TAOK1: variants seen among roughly 807,000 people sequenced by gnomAD.
TAOK1 encodes TAO kinase 1.
In TAOK1, 21 loss-of-function variants were observed where a neutral mutation model predicts 138.3. The ratio of observed to expected loss-of-function variants is 0.15; its 90% confidence interval spans 0.11 to 0.22. TAOK1 has a LOEUF of 0.22. TAOK1 is among the 10% of genes least tolerant of loss of function. The pLI is 1.00. For synonymous variants in TAOK1, 361 were observed against 398.4 expected, an observed-to-expected ratio of 0.91 and a Z score of 1.12; for missense variants, 651 against 1,227.7, an observed-to-expected ratio of 0.53 and a Z score of 7.02.
chr17:29,527,757 A>G (rs1444992328), intron 17 of TAOK1, among the ~76,000 whole-genome samples: 1 of 152,216 alleles, frequency 6.6e-6, no homozygotes, highest in Non-Finnish European at 1.5e-5. Flanking sequence ...GCCTCAGTGC[A>G]GTAAATGAAT....
At chr17:29,506,403 A>G (rs762876388) in intron 13 of TAOK1, among the ~76,000 whole-genome samples, 7 of 152,214 alleles carry the variant, frequency 4.6e-5, no homozygotes, top group Non-Finnish European at 1.0e-4. Context: ...TGTGGAATCT[A>G]GAAAAATAAA....
intron 8 of TAOK1, among the ~76,000 whole-genome samples, chr17:29,482,501 A>G (rs2031084712): frequency 6.6e-6 from 1 of 152,132 alleles, no homozygotes; most frequent in Non-Finnish European, 1.5e-5. Context: ...TTATATCTAA[A>G]ATAATTTTCC....
intron 18 of TAOK1, 26 bp from the exon 19 acceptor site, chr17:29,534,092 T>G: frequency 6.4e-7 from 1 of 1,564,644 alleles, no homozygotes. Flanking sequence ...ATATCTTTTT[T>G]TTTTCTCTCT....
chr17:29,535,428 G>T (rs1056162834), intron 19 of TAOK1, among the ~76,000 whole-genome samples: 4 of 152,146 alleles, frequency 2.6e-5, no homozygotes, highest in Non-Finnish European at 5.9e-5. Context: ...TCTTAGGTCC[G>T]TCGGTTATCG....
chr17:29,464,404 G>A lies in TAOK1; in HGVS notation c.133-2741G>A, dbSNP rs577258688. ...GTTTGCAGTGAGCCAAGATCGCAGC[G>A]CTGCACTCCAGCCTGGACTACTAAG... On this transcript the variant is annotated intron_variant, in intron 2 of 19. Coordinates refer to ENST00000261716, the MANE Select transcript of TAOK1 (RefSeq NM_020791.4). 1.4e-3 allele frequency among the ~76,000 whole-genome samples: 206 copies of A among 147,872 alleles called. 1 individual carries two copies. In the Middle Eastern group the frequency reaches 0.014, roughly 10 times the overall value.
intron 17 of TAOK1, among the ~76,000 whole-genome samples, chr17:29,528,190 C>T (rs2032044089): frequency 6.6e-6 from 1 of 152,088 alleles, no homozygotes; most frequent in South Asian, 2.1e-4. Flanking sequence ...GCTGGGATTA[C>T]AGGCACATGC....
chr17:29,453,204 G>C (rs899639901), intron 2 of TAOK1, among the ~76,000 whole-genome samples: 3 of 145,530 alleles, frequency 2.1e-5, no homozygotes, highest in African/African-American at 7.7e-5. Flanking sequence ...CTATTGCCCA[G>C]GCTGGAGTGC....
chr17:29,477,809 G>T, intron 5 of TAOK1, 103 bp downstream of exon 5: 2 of 596,566 alleles, frequency 3.4e-6, no homozygotes, highest in South Asian at 6.1e-5. Context: ...AAACTTTCCA[G>T]AAAGAGCAGA....
chr17:29,466,207 G>A (rs2030663829), intron 2 of TAOK1, among the ~76,000 whole-genome samples: 1 of 152,048 alleles, frequency 6.6e-6, no homozygotes, highest in Non-Finnish European at 1.5e-5. Context: ...GCAGTGGCAC[G>A]GTCATGGCTC....
intron 1 of TAOK1, among the ~76,000 whole-genome samples, chr17:29,446,398 C>T (rs1348066074): frequency 2.0e-5 from 3 of 152,050 alleles, no homozygotes; most frequent in South Asian, 2.1e-4. Flanking sequence ...TGCACTACCA[C>T]GCCCAGCTAG....
chr17:29,502,850 A>T (rs2031555383), intron 13 of TAOK1, 127 bp downstream of exon 13: 2 of 1,031,460 alleles, frequency 1.9e-6, no homozygotes, highest in Non-Finnish European at 2.7e-6. Context: ...TTTAATATTT[A>T]AGTGCCTATT....
chr17:29,495,576 G>C lies in TAOK1; in HGVS notation c.848G>C (p.Arg283Pro), dbSNP rs757614541. 1 of 1,595,806 alleles carries C rather than the reference G, an allele frequency of 6.3e-7. No individual in the cohort carries two copies. Among genetic ancestry groups the C allele is most frequent in the Admixed American group, 1.7e-5 (1 of 58,896 alleles). The change falls in exon 11 of 20, where the codon CGG becomes CCG. Residue 283 changes from arginine to proline, a missense_variant. Arg to Pro is a moderately radical substitution (Grantham distance 103, BLOSUM62 -2). Around this residue, in one of 8 missense-constraint regions of TAOK1, gnomAD observed 39 missense variants for 52.5 expected, o/e 0.74. Coordinates refer to ENST00000261716, the MANE Select transcript of TAOK1 (RefSeq NM_020791.4). ...CCTATCTAGCACATATTTGTTCTTC[G>C]GGAGCGCCCTGAAACCGTGTTAATA... ...EELLKHIFVL[R>P]ERPETVLIDL...
chr17:29,516,236 C>T (rs1373222544), intron 15 of TAOK1, among the ~76,000 whole-genome samples: 6 of 151,894 alleles, frequency 4.0e-5, no homozygotes, highest in African/African-American at 9.7e-5. Flanking sequence ...GCTGGGATTA[C>T]AGGCGTGAGC....
chr17:29,429,648 A>G lies in TAOK1; in HGVS notation c.-94-21807A>G, dbSNP rs576039737. ...GCTAACAAGTTAACATTGTTACAAT[A>G]TTATTAACTAAACTACCAATTTTGT... On this transcript the variant is annotated intron_variant, in intron 1 of 19. Transcript: ENST00000261716. Among the ~76,000 whole-genome samples, 37 of 152,302 alleles carry G rather than the reference A, an allele frequency of 2.4e-4. No homozygotes were observed. In the South Asian group the frequency reaches 7.7e-3, roughly 32 times the overall value.
intron 1 of TAOK1, among the ~76,000 whole-genome samples, chr17:29,447,301 A>G (rs951014925): frequency 2.0e-5 from 3 of 152,062 alleles, no homozygotes; most frequent in African/African-American, 7.2e-5. Flanking sequence ...TGTTAAGGAT[A>G]TTAACTCTTA....
chr17:29,521,017 C>A (rs1456248895), intron 16 of TAOK1, among the ~76,000 whole-genome samples: 2 of 151,234 alleles, frequency 1.3e-5, no homozygotes, highest in Admixed American at 6.6e-5. Flanking sequence ...CAGAGTGACA[C>A]TCAGTCTCAA....
chr17:29,456,215 G>A (rs2030372555), intron 2 of TAOK1, among the ~76,000 whole-genome samples: 1 of 150,030 alleles, frequency 6.7e-6, no homozygotes, highest in Non-Finnish European at 1.5e-5. Flanking sequence ...GAGTGTGGTG[G>A]TGCATGCCTG....
chr17:29,447,493 G>A lies in TAOK1; in HGVS notation c.-94-3962G>A, dbSNP rs550380929. On this transcript the variant is annotated intron_variant, in intron 1 of 19. Transcript: ENST00000261716. Reference sequence around the variant, plus strand: ...CTACAGGCATGCACTACTATACCTGGCTAATTTTTGTATTTTTAGCAGAGA... The same window carrying A: ...CTACAGGCATGCACTACTATACCTGACTAATTTTTGTATTTTTAGCAGAGA... 2.2e-4 allele frequency among the ~76,000 whole-genome samples: 33 copies of A among 151,868 alleles called. No homozygotes were observed. In the South Asian group the frequency reaches 5.6e-3, roughly 26 times the overall value.
In TAOK1 at chr17:29,537,270, T is replaced by C. The variant is rs529277387; in HGVS notation, c.2544+2970T>C. Among the ~76,000 whole-genome samples the C allele has an allele frequency of 9.8e-5, 15 of 152,290 alleles. No individual in the cohort carries two copies. In the South Asian group the frequency reaches 2.7e-3, roughly 27 times the overall value. On this transcript the variant is annotated intron_variant, in intron 19 of 19. Coordinates refer to ENST00000261716, the MANE Select transcript of TAOK1 (RefSeq NM_020791.4). ...AATGCAGGCATAAAATCAGTACTCA[T>C]TGGTGAAGGTACAGTGACACTTTTA...
Sources: gnomAD v4.1 joint callset for allele counts (sites outside exome capture counted in the v4.1 genomes callset) on GRCh38, gnomAD v4.1.1 for gene constraint, gnomAD v4.1.1 regional missense constraint, MANE v1.5 for transcripts, NCBI Gene and HGNC (gene_info 2026-07-23, HGNC 2026-07-21) for gene names.